The following GALNT13 variants were observed in gnomAD, a reference collection of about 807,000 sequenced individuals.
GALNT13 encodes the protein polypeptide N-acetylgalactosaminyltransferase 13.
In GALNT13, 28 loss-of-function variants were observed where a neutral mutation model predicts 64.2. The observed-to-expected ratio is 0.44, with a 90% CI of 0.32 to 0.60. The LOEUF (loss-of-function observed/expected upper bound fraction) is 0.60, where lower values mean the gene tolerates loss of function less well. Ranked by LOEUF, GALNT13 falls within the 20% of genes least tolerant of loss-of-function variation. GALNT13 has a pLI of 0.05. For synonymous variants in GALNT13, 214 were observed against 224.6 expected (o/e 0.95, Z 0.42); for missense variants, 577 against 669.8 (o/e 0.86, Z 1.53).
At chr2:154,370,164 A>G (rs891637224) in intron 9 of GALNT13, among the ~76,000 whole-genome samples, 1 of 152,076 alleles carries the variant, frequency 6.6e-6, no homozygotes, top group African/African-American at 2.4e-5. Context: ...AGTCAGTCTC[A>G]TTGAAGATAA....
At chr2:153,145,473 A>G in the GALNT13 span, among the ~76,000 whole-genome samples, 2 of 152,030 alleles carry the variant, frequency 1.3e-5, no homozygotes, top group South Asian at 2.1e-4. Context: ...GTTGCTGATT[A>G]TATAATAATA....
chr2:153,203,061 G>T, the GALNT13 span, among the ~76,000 whole-genome samples: 3 of 152,220 alleles, frequency 2.0e-5, no homozygotes, highest in South Asian at 6.2e-4. Context: ...GCACCATTAA[G>T]GCCGTCTCTG....
At chr2:154,229,876 T>C (rs952405288) in intron 4 of GALNT13, among the ~76,000 whole-genome samples, 1 of 152,130 alleles carries the variant, frequency 6.6e-6, no homozygotes, top group African/African-American at 2.4e-5. Flanking sequence ...CTTTAGACTT[T>C]ATCATTAGGA....
At chr2:153,612,463 A>T in the GALNT13 span, among the ~76,000 whole-genome samples, 2 of 152,150 alleles carry the variant, frequency 1.3e-5, no homozygotes, top group East Asian at 3.9e-4. Context: ...CTAAAAGGAG[A>T]ATTTGATGGA....
At chr2:154,333,767 C>T (rs560039405) in intron 9 of GALNT13, among the ~76,000 whole-genome samples, 1 of 152,002 alleles carries the variant, frequency 6.6e-6, no homozygotes, top group Admixed American at 6.6e-5. Context: ...CAGCTTATCC[C>T]TCCTCCTAGA....
intron 4 of GALNT13, among the ~76,000 whole-genome samples, chr2:154,201,026 C>T (rs1049996550): frequency 2.0e-5 from 3 of 152,198 alleles, no homozygotes; most frequent in Admixed American, 6.5e-5. Context: ...TCAGTTCCTA[C>T]ATTTGAAGTC....
chr2:153,835,309 A>G, the GALNT13 span, among the ~76,000 whole-genome samples: 21 of 152,212 alleles, frequency 1.4e-4, no homozygotes, highest in East Asian at 3.9e-4. Context: ...GAAAACTCAC[A>G]TGCAAGATAG....
At chr2:154,156,196 A>G (rs1684411264) in intron 4 of GALNT13, among the ~76,000 whole-genome samples, 1 of 152,058 alleles carries the variant, frequency 6.6e-6, no homozygotes, top group Non-Finnish European at 1.5e-5. Flanking sequence ...AAATGGAAAG[A>G]TCAAATAGAA....
the GALNT13 span, among the ~76,000 whole-genome samples, chr2:153,657,417 G>C: frequency 6.6e-6 from 1 of 152,002 alleles, no homozygotes. Context: ...TGACAGGCAT[G>C]GTACTTAGCA....
At chr2:154,018,350 C>G (rs969317402) in intron 3 of GALNT13, among the ~76,000 whole-genome samples, 1 of 152,210 alleles carries the variant, frequency 6.6e-6, no homozygotes, top group East Asian at 1.9e-4. Flanking sequence ...CTCCAGCTAC[C>G]TGGACACAGT....
chr2:153,921,578 G>A (rs1314022070), intron 2 of GALNT13, among the ~76,000 whole-genome samples: 1 of 152,038 alleles, frequency 6.6e-6, no homozygotes, highest in African/African-American at 2.4e-5. Context: ...CAATTTACCT[G>A]TATAACAAAA....
At chr2:153,080,542 T>C in the GALNT13 span, among the ~76,000 whole-genome samples, 1 of 152,138 alleles carries the variant, frequency 6.6e-6, no homozygotes, top group Non-Finnish European at 1.5e-5. Context: ...CCATTTCTTG[T>C]GACCTAAGAT....
the GALNT13 span, among the ~76,000 whole-genome samples, chr2:153,509,133 G>C: frequency 6.6e-6 from 1 of 152,218 alleles, no homozygotes; most frequent in Non-Finnish European, 1.5e-5. Flanking sequence ...GAAGAAAGAA[G>C]GAAATAGCGG....
the GALNT13 span, among the ~76,000 whole-genome samples, chr2:153,146,878 G>A: frequency 0.12 from 18,751 of 151,684 alleles, 1,360 homozygotes; most frequent in East Asian, 0.17. Context: ...CCTCTCCCAG[G>A]GTTTTTCCTG....
chr2:153,560,150 T>TA, the GALNT13 span, among the ~76,000 whole-genome samples: 1 of 151,966 alleles, frequency 6.6e-6, no homozygotes, highest in African/African-American at 2.4e-5. Flanking sequence ...TAAAGTACTG[T>TA]CCCTTTAGTG....
intron 3 of GALNT13, among the ~76,000 whole-genome samples, chr2:154,051,589 C>A (rs1055726853): frequency 6.6e-6 from 1 of 152,048 alleles, no homozygotes; most frequent in Non-Finnish European, 1.5e-5. Context: ...CGCGCCCGGC[C>A]ATCTTACTCC....
the GALNT13 span, among the ~76,000 whole-genome samples, chr2:153,317,454 GATA>G: frequency 6.6e-6 from 1 of 152,016 alleles, no homozygotes; most frequent in Non-Finnish European, 1.5e-5. Context: ...ATTCTTTGGG[GATA>G]ATATTTTATA....
At chr2:153,297,574 A>G in the GALNT13 span, among the ~76,000 whole-genome samples, 1 of 152,184 alleles carries the variant, frequency 6.6e-6, no homozygotes, top group African/African-American at 2.4e-5. Context: ...AGCCCATTAT[A>G]TTTGTCTCTG....
the GALNT13 span, among the ~76,000 whole-genome samples, chr2:153,659,503 C>A: frequency 6.6e-6 from 1 of 152,086 alleles, no homozygotes; most frequent in Non-Finnish European, 1.5e-5. Context: ...TCTTATTTAA[C>A]CTTTCCTAAA....
Sources: allele counts gnomAD v4.1 joint callset (sites outside exome capture counted in the v4.1 genomes callset), GRCh38; gene constraint gnomAD v4.1.1; transcripts MANE v1.5; gene names NCBI Gene and HGNC (gene_info 2026-07-23, HGNC 2026-07-21).